The following SAMD4A variants were observed in gnomAD, a reference collection of about 807,000 sequenced individuals.
SAMD4A encodes protein Smaug homolog 1.
SAMD4A carries 33 observed loss-of-function variants against 81.3 expected under a neutral mutation model. The ratio of observed to expected loss-of-function variants is 0.41; its 90% CI spans 0.31 to 0.54. The LOEUF (loss-of-function observed/expected upper bound fraction) is 0.54, where lower values mean the gene tolerates loss of function less well. Ranked by LOEUF, SAMD4A falls within the 20% of genes least tolerant of loss-of-function variation. SAMD4A has a pLI of 0.37. For missense variants in SAMD4A, 854 were observed against 951.1 expected (o/e 0.90, Z 1.34); for synonymous variants, 389 against 382.1 (o/e 1.02, Z -0.21).
At chr14:54,634,771 A>G (rs559359189) in intron 2 of SAMD4A, among the ~76,000 whole-genome samples, 2 of 152,032 alleles carry the variant, frequency 1.3e-5, no homozygotes, top group South Asian at 2.1e-4. Context: ...CTATCTATCT[A>G]TCTATCTATC....
Position 54,682,508 on chromosome 14 carries a change from C to G in SAMD4A, c.197-19554C>G, listed in dbSNP as rs1329116199. ...CCCATTGAAGGCTCATTTTGTGAATCTGACATTTCCCAGTTCCTGATAACC... is the reference window on the plus strand; with the variant it reads ...CCCATTGAAGGCTCATTTTGTGAATGTGACATTTCCCAGTTCCTGATAACC... On this transcript the variant is annotated intron_variant, in intron 2 of 12. Transcript: ENST00000554335. Among the ~76,000 whole-genome samples the G allele has an allele frequency of 2.0e-5, 3 of 152,208 alleles. No individual in the cohort carries two copies. In the East Asian group the frequency reaches 5.8e-4, roughly 29 times the overall value.
chr14:54,694,699 C>T, intron 2 of SAMD4A: 1 of 985,398 alleles, frequency 1.0e-6, no homozygotes, highest in African/African-American at 1.7e-5. Flanking sequence ...AATGGCCAGC[C>T]TCAGACCTCC....
intron 2 of SAMD4A, among the ~76,000 whole-genome samples, chr14:54,572,590 A>G (rs2033161129): frequency 6.6e-6 from 1 of 152,244 alleles, no homozygotes; most frequent in African/African-American, 2.4e-5. Context: ...ATGGAAATAG[A>G]GAAAAAAGTA....
intron 4 of SAMD4A, 83 bp from the exon 5 acceptor site, chr14:54,748,732 C>T: frequency 3.2e-6 from 3 of 925,206 alleles, no homozygotes; most frequent in Non-Finnish European, 3.4e-6. Context: ...CCCTCTTTTC[C>T]TTTCTCTGTT....
intron 3 of SAMD4A, among the ~76,000 whole-genome samples, chr14:54,723,173 A>C (rs991387878): frequency 6.6e-6 from 1 of 152,068 alleles, no homozygotes; most frequent in African/African-American, 2.4e-5. Flanking sequence ...TTGAATTTGA[A>C]AGATTCTGGT....
chr14:54,626,047 TGTGTGTGTGTGTGCGC>T (rs1392769552), intron 2 of SAMD4A, among the ~76,000 whole-genome samples: 10 of 130,172 alleles, frequency 7.7e-5, no homozygotes, highest in African/African-American at 3.0e-4. Flanking sequence ...TGTGTGTGTG[TGTGTGTGTGTGTGCGC>T]GCGCGCGCGC....
At chr14:54,696,400 C>A (rs2036579795) in intron 2 of SAMD4A, among the ~76,000 whole-genome samples, 2 of 152,198 alleles carry the variant, frequency 1.3e-5, no homozygotes, top group Non-Finnish European at 2.9e-5. Flanking sequence ...AGTCTTTGAC[C>A]ATGTAAAACC....
chr14:54,723,990 T>TTGGG (rs1566604599), intron 3 of SAMD4A, among the ~76,000 whole-genome samples: 3 of 88,396 alleles, frequency 3.4e-5, no homozygotes, highest in African/African-American at 1.0e-4. Flanking sequence ...TCAGCAAATA[T>TTGGG]TGGATGGATG....
rs140449753 is a variant in SAMD4A at position 54,614,164 on chromosome 14, G to A, written c.196+46052G>A. Among the ~76,000 whole-genome samples the A allele has an allele frequency of 5.3e-3, 814 of 152,292 alleles. 4 individuals are homozygous for A. The highest frequency in any genetic ancestry group is 0.012 in the Admixed American group (189 of 15,284). ...CTGCAATTAACAGATACATGAAAGA[G>A]TTTTGTAAAAATTTAAAAACTGTGG... On this transcript the variant is annotated intron_variant, in intron 2 of 12. Transcript: ENST00000554335.
chr14:54,654,370 T>C (rs1392443435), intron 2 of SAMD4A, among the ~76,000 whole-genome samples: 1 of 152,088 alleles, frequency 6.6e-6, no homozygotes, highest in East Asian at 1.9e-4. Flanking sequence ...CAGCACAGGG[T>C]ACATTCAGGC....
intron 2 of SAMD4A, among the ~76,000 whole-genome samples, chr14:54,619,802 C>G (rs1209932167): frequency 1.3e-5 from 2 of 152,234 alleles, no homozygotes; most frequent in East Asian, 3.9e-4. Flanking sequence ...CATCCATGTT[C>G]CTGCGAAGGA....
chr14:54,597,709 C>T (rs1373334684), intron 2 of SAMD4A, among the ~76,000 whole-genome samples: 2 of 151,398 alleles, frequency 1.3e-5, no homozygotes, highest in Non-Finnish European at 2.9e-5. Context: ...CCCATTTCAG[C>T]CTCCAGAGTA....
chr14:54,657,466 G>A (rs1397033454), intron 2 of SAMD4A, among the ~76,000 whole-genome samples: 2 of 151,934 alleles, frequency 1.3e-5, no homozygotes, highest in East Asian at 1.9e-4. Flanking sequence ...TTTGTTCATC[G>A]CCAGATGAGA....
chr14:54,688,174 C>G, intron 2 of SAMD4A: 1 of 985,450 alleles, frequency 1.0e-6, no homozygotes, highest in Non-Finnish European at 1.2e-6. Flanking sequence ...CTAAACTCAG[C>G]AAAATATTAT....
chr14:54,708,031 TTTAAAAG>T (rs1261840309), intron 3 of SAMD4A, among the ~76,000 whole-genome samples: 2 of 152,186 alleles, frequency 1.3e-5, no homozygotes, highest in Non-Finnish European at 2.9e-5. Context: ...CAACTCACAT[TTTAAAAG>T]GTTCTCTTTG....
intron 9 of SAMD4A, among the ~76,000 whole-genome samples, chr14:54,773,523 C>A (rs1225247120): frequency 6.6e-6 from 1 of 152,256 alleles, no homozygotes. Context: ...TATAACCTCC[C>A]GGACCTGAGG....
intron 2 of SAMD4A, among the ~76,000 whole-genome samples, chr14:54,577,066 T>G (rs187468564): frequency 6.6e-6 from 1 of 152,324 alleles, no homozygotes; most frequent in African/African-American, 2.4e-5. Flanking sequence ...CAAGCCTGCA[T>G]TATCAAGCTG....
intron 9 of SAMD4A, among the ~76,000 whole-genome samples, chr14:54,774,652 C>CAAAA (rs1286823182): frequency 5.2e-5 from 7 of 134,094 alleles, no homozygotes; most frequent in African/African-American, 2.0e-4. Context: ...CCATCTCTAC[C>CAAAA]AAAAAAAAAA....
upstream of SAMD4A, among the ~76,000 whole-genome samples, chr14:54,566,017 C>T (rs1306884212): frequency 6.6e-6 from 1 of 152,080 alleles, no homozygotes; most frequent in African/African-American, 2.4e-5. Context: ...GCCCGGGTTC[C>T]TCTCCCCCCG....
Sources: gnomAD v4.1 joint callset for allele counts (sites outside exome capture counted in the v4.1 genomes callset) on GRCh38, gnomAD v4.1.1 for gene constraint, MANE v1.5 for transcripts, NCBI Gene and HGNC (gene_info 2026-07-23, HGNC 2026-07-21) for gene names.